The following FBXW8 variants were observed in gnomAD, a reference collection of about 807,000 sequenced individuals.
FBXW8 encodes F-box and WD repeat domain containing 8, also known as F-box/WD repeat-containing protein 8.
Under a neutral mutation model 65.3 loss-of-function variants are expected in FBXW8, and 57 were observed. The ratio of observed to expected loss-of-function variants is 0.87; its 90% CI spans 0.71 to 1.09. The LOEUF (loss-of-function observed/expected upper bound fraction) is 1.09. Ranked by LOEUF, FBXW8 falls within the 50% of genes least tolerant of loss-of-function variation. The pLI, the probability that FBXW8 is intolerant of heterozygous loss-of-function variation, is 0.00. For synonymous variants in FBXW8, 308 were observed against 330.2 expected (o/e 0.93, Z 0.73); for missense variants, 777 against 814.8 (o/e 0.95, Z 0.57).
At chr12:116,999,473 C>T (rs1953455308) in intron 7 of FBXW8, among the ~76,000 whole-genome samples, 1 of 152,220 alleles carries the variant, frequency 6.6e-6, no homozygotes, top group Non-Finnish European at 1.5e-5. Flanking sequence ...ACTGTGATCT[C>T]ATGATCACAA....
chr12:116,922,310 G>A (rs965607233), intron 1 of FBXW8, among the ~76,000 whole-genome samples: 1 of 152,014 alleles, frequency 6.6e-6, no homozygotes, highest in African/African-American at 2.4e-5. Flanking sequence ...TTCTGATTGA[G>A]ATTGTGTGGG....
chr12:116,949,487 A>G (rs1371064846), intron 3 of FBXW8, 131 bp from the exon 4 acceptor site: 3 of 753,360 alleles, frequency 4.0e-6, no homozygotes, highest in East Asian at 2.6e-5. Flanking sequence ...TTGAATGCCC[A>G]TGGAACTTTG....
At position 116,927,592 on chromosome 12, in the gene FBXW8, G is replaced by A. The variant is rs544659386; in HGVS notation, c.319-431G>A. Among the ~76,000 whole-genome samples the A allele has an allele frequency of 3.9e-5, 6 of 152,292 alleles. 1 individual carries two copies. The South Asian group carries it at 1.2e-3, about 32-fold the overall frequency. On this transcript the variant is annotated intron_variant, in intron 1 of 10. Transcript: ENST00000652555. ...ACTCCCTTCCTAGTTGAGAGTAGTG[G>A]TGGTTGTCCTGGGAAGAGGGGTGGC...
rs535112146 is a variant in FBXW8, at chr12:116,974,896, T to C, written c.835+10042T>C. The stretch of plus-strand genomic sequence containing the variant: ...ATTTTATGGGACCCAAAAGTAAGGA[T>C]GTTTAAAATAAATAAAAAGATGAAG... On this transcript the variant is annotated intron_variant, in intron 5 of 10. Coordinates refer to ENST00000652555, the MANE Select transcript of FBXW8 (RefSeq NM_153348.3). Among the ~76,000 whole-genome samples the C allele has an allele frequency of 3.3e-5, 5 of 152,282 alleles. 1 individual carries two copies. In the South Asian group the frequency reaches 1.0e-3, roughly 32 times the overall value.
rs1394921546 is a variant in FBXW8, at chr12:116,952,295, C to T, written c.677+2589C>T. 3.3e-5 allele frequency among the ~76,000 whole-genome samples: 5 copies of T among 152,264 alleles called. No homozygotes were observed. The East Asian group carries it at 9.6e-4, about 29-fold the overall frequency. On this transcript the variant is annotated intron_variant, in intron 4 of 10. Coordinates refer to ENST00000652555, the MANE Select transcript of FBXW8 (RefSeq NM_153348.3). Reference sequence around the variant, plus strand: ...ATGTTTGCACAAATGATAAATTCACCAAAGGATGCATTTTTCTGAGTGTAA... The same window carrying T: ...ATGTTTGCACAAATGATAAATTCACTAAAGGATGCATTTTTCTGAGTGTAA...
chr12:116,921,002 A>G (rs1408975525), intron 1 of FBXW8, among the ~76,000 whole-genome samples: 4 of 152,188 alleles, frequency 2.6e-5, no homozygotes, highest in Non-Finnish European at 5.9e-5. Flanking sequence ...GGCTCAAAGC[A>G]GAGGCCCAGC....
At position 116,911,369 on chromosome 12, in the gene FBXW8, G is replaced by A. The variant is rs1879919630; in HGVS notation, c.318+14G>A. 2.4e-6 allele frequency: 3 copies of A among 1,268,368 alleles called. No homozygotes were observed. The highest frequency in any genetic ancestry group is 4.2e-5 in the Admixed American group (1 of 23,836). 78.6% of individuals were successfully genotyped at this position (1,268,368 alleles called of 1,614,324 possible). ...ATCCGCGACCTGGTGAGTGGCCGTC[G>A]CCTCCCCCCCGCCCATGCCTGCGCC... On this transcript the variant is annotated intron_variant, in intron 1 of 10. Transcript: ENST00000652555.
At chr12:116,970,638 G>A (rs4767485) in intron 5 of FBXW8, among the ~76,000 whole-genome samples, 105,261 of 152,148 alleles carry the variant, frequency 0.69, 40,611 homozygotes, top group Non-Finnish European at 0.85. Flanking sequence ...TGTTTTGCTT[G>A]TATCTTTTGT....
chr12:116,923,903 C>T (rs952981437), intron 1 of FBXW8, among the ~76,000 whole-genome samples: 10 of 152,008 alleles, frequency 6.6e-5, no homozygotes, highest in Non-Finnish European at 1.2e-4. Context: ...TTATTAGAGA[C>T]GGGGTTTCAC....
intron 2 of FBXW8, 27 bp downstream of exon 2, chr12:116,928,154 G>T (rs1881480139): frequency 7.1e-7 from 1 of 1,412,452 alleles, no homozygotes; most frequent in Middle Eastern, 1.8e-4. Flanking sequence ...AGATGTTCCA[G>T]ATTTTCCTAA....
Position 117,028,283 on chromosome 12 carries a change from C to T in FBXW8, c.*111C>T, listed in dbSNP as rs1402885588. 1.7e-5 allele frequency: 23 copies of T among 1,344,678 alleles called. No individual in the cohort carries two copies. Among genetic ancestry groups the T allele is most frequent in the African/African-American group, 2.9e-5 (2 of 68,756 alleles). 83.3% of individuals were successfully genotyped at this position (1,344,678 alleles called of 1,614,324 possible). A position where few individuals can be genotyped will look rare whatever the true frequency, so the allele number is the denominator to read the frequency against. On this transcript the variant is annotated 3_prime_UTR_variant, in exon 11 of 11. Coordinates refer to ENST00000652555, the MANE Select transcript of FBXW8 (RefSeq NM_153348.3). This position sits in a 1 kb window ranked among gnomAD's most constrained non-coding sequence, Gnocchi z 4.1. Reference sequence around the variant, plus strand: ...GTAAACATTTAGGGGAAGAAAGCAGCCCAGGGTGCCATGCCTGACAGCACG... The same window carrying T: ...GTAAACATTTAGGGGAAGAAAGCAGTCCAGGGTGCCATGCCTGACAGCACG...
intron 5 of FBXW8, among the ~76,000 whole-genome samples, chr12:116,971,669 G>C (rs1244653141): frequency 1.3e-5 from 2 of 152,266 alleles, no homozygotes; most frequent in African/African-American, 2.4e-5. Flanking sequence ...TTTTGGGTGA[G>C]AGCTGTGAGA....
At chr12:116,931,132 T>C (rs1467710612) in intron 2 of FBXW8, among the ~76,000 whole-genome samples, 1 of 152,240 alleles carries the variant, frequency 6.6e-6, no homozygotes, top group Non-Finnish European at 1.5e-5. Context: ...ACACCATTTA[T>C]TGGAGACTTT....
intron 4 of FBXW8, among the ~76,000 whole-genome samples, chr12:116,953,510 G>A (rs1028771891): frequency 6.6e-6 from 1 of 152,154 alleles, no homozygotes; most frequent in Non-Finnish European, 1.5e-5. Context: ...GGTGGCTCAC[G>A]CCTGTAATCC....
chr12:116,982,500 C>T (rs767651236), intron 5 of FBXW8, among the ~76,000 whole-genome samples: 36 of 152,152 alleles, frequency 2.4e-4, no homozygotes, highest in Admixed American at 1.4e-3. Flanking sequence ...ATCAGCCCCC[C>T]GACAAGTGAG....
At chr12:116,923,825 G>A (rs1314429140) in intron 1 of FBXW8, among the ~76,000 whole-genome samples, 1 of 151,744 alleles carries the variant, frequency 6.6e-6, no homozygotes, top group Non-Finnish European at 1.5e-5. Context: ...AGTTCACGCC[G>A]TTCTTCTACT....
chr12:116,944,394 T>C (rs1882796509), intron 2 of FBXW8, among the ~76,000 whole-genome samples: 1 of 152,202 alleles, frequency 6.6e-6, no homozygotes, highest in Admixed American at 6.5e-5. Context: ...GGTCTCCTAC[T>C]TTCTCTCATT....
chr12:117,027,264 TC>T, intron 9 of FBXW8, 129 bp from the exon 10 acceptor site: 1 of 709,244 alleles, frequency 1.4e-6, no homozygotes, highest in Non-Finnish European at 2.5e-6. Context: ...GGGGCCCTGT[TC>T]CCTCTGTGAA....
At chr12:117,002,462 C>T (rs1233897385) in intron 7 of FBXW8, 1 of 152,206 alleles carries the variant, frequency 6.6e-6, no homozygotes, top group African/African-American at 2.4e-5. Flanking sequence ...TTGAGGGGGT[C>T]AGGGATCCAT....
Sources: gnomAD v4.1 joint callset for allele counts (sites outside exome capture counted in the v4.1 genomes callset) on GRCh38, gnomAD v4.1.1 for gene constraint, Gnocchi (gnomAD v3.1) non-coding constraint, MANE v1.5 for transcripts, NCBI Gene and HGNC (gene_info 2026-07-23, HGNC 2026-07-21) for gene names.